Variants in CCDC175 observed in about 807,000 individuals in gnomAD.
The protein encoded by CCDC175 is coiled-coil domain containing 175, also known as coiled-coil domain-containing protein 175.
In CCDC175, 100 loss-of-function variants were observed where a neutral mutation model predicts 114.6. That is an observed-to-expected ratio of 0.87 (90% CI 0.74 to 1.03). The LOEUF (loss-of-function observed/expected upper bound fraction) is 1.03, where lower values mean the gene tolerates loss of function less well. Ranked by LOEUF, CCDC175 falls within the 50% of genes least tolerant of loss-of-function variation. The probability of loss-of-function intolerance (pLI) is 0.00; values close to 1 mark genes in which losing one functional copy is unlikely to be tolerated. For synonymous variants in CCDC175, 306 were observed against 308.7 expected (o/e 0.99, Z 0.09); for missense variants, 880 against 917.8 (o/e 0.96, Z 0.53).
chr14:59,517,707 G>A (rs956192327), intron 17 of CCDC175, among the ~76,000 whole-genome samples: 14 of 152,294 alleles, frequency 9.2e-5, no homozygotes, highest in Middle Eastern at 3.4e-3. Flanking sequence ...CATGCTCACG[G>A]GTAGGAAGAA....
intron 2 of CCDC175, among the ~76,000 whole-genome samples, chr14:59,574,331 G>A (rs897119205): frequency 2.6e-5 from 4 of 152,140 alleles, no homozygotes; most frequent in Admixed American, 2.0e-4. Context: ...CTGTGCCAAG[G>A]AAGCATTGTC....
chr14:59,526,156 T>C (rs1893721428), intron 15 of CCDC175, among the ~76,000 whole-genome samples: 1 of 152,234 alleles, frequency 6.6e-6, no homozygotes, highest in Non-Finnish European at 1.5e-5. Flanking sequence ...TTCAGTTCTC[T>C]ATTATTATAC....
chr14:59,509,355 T>C (rs1892625006), intron 19 of CCDC175, among the ~76,000 whole-genome samples: 1 of 152,200 alleles, frequency 6.6e-6, no homozygotes. Flanking sequence ...AGGCTCATCA[T>C]GATCACCAGG....
chr14:59,557,439 G>A (rs1246578844), intron 7 of CCDC175, among the ~76,000 whole-genome samples: 1 of 145,482 alleles, frequency 6.9e-6, no homozygotes, highest in East Asian at 2.1e-4. Flanking sequence ...ACACAGGAAG[G>A]GGAACCTCAC....
chr14:59,513,812 A>G (rs1452038456), intron 17 of CCDC175, among the ~76,000 whole-genome samples: 1 of 152,208 alleles, frequency 6.6e-6, no homozygotes, highest in African/African-American at 2.4e-5. Context: ...AGCTTTGAAG[A>G]GAGTAGAGGT....
At chr14:59,557,160 C>T (rs904835869) in intron 7 of CCDC175, among the ~76,000 whole-genome samples, 50 of 152,206 alleles carry the variant, frequency 3.3e-4, no homozygotes, top group Non-Finnish European at 4.9e-4. Context: ...TAAAGACACA[C>T]GCACACGTAT....
intron 19 of CCDC175, among the ~76,000 whole-genome samples, chr14:59,510,027 A>G (rs1277700574): frequency 2.0e-5 from 3 of 152,112 alleles, no homozygotes; most frequent in Admixed American, 6.6e-5. Flanking sequence ...TTCCCAGATG[A>G]TTCTGTCACT....
intron 16 of CCDC175, among the ~76,000 whole-genome samples, chr14:59,522,657 ATCT>A (rs1893489784): frequency 6.6e-6 from 1 of 152,104 alleles, no homozygotes; most frequent in African/African-American, 2.4e-5. Context: ...ACAGCCCCTA[ATCT>A]TCTCACTTAA....
At chr14:59,546,838 AAAAT>A (rs562518562) in intron 8 of CCDC175, among the ~76,000 whole-genome samples, 1 of 152,138 alleles carries the variant, frequency 6.6e-6, no homozygotes, top group African/African-American at 2.4e-5. Context: ...TCCTGTCTCA[AAAAT>A]AAATAAATAA....
chr14:59,544,151 AT>A, intron 9 of CCDC175, among the ~76,000 whole-genome samples: 1 of 151,904 alleles, frequency 6.6e-6, no homozygotes, highest in African/African-American at 2.4e-5. Context: ...CAGCGTGTGG[AT>A]TGATAAGGGT....
intron 17 of CCDC175, among the ~76,000 whole-genome samples, chr14:59,519,414 G>A (rs1594988833): frequency 6.6e-6 from 1 of 152,226 alleles, no homozygotes; most frequent in East Asian, 1.9e-4. Flanking sequence ...CCTGGGGTAG[G>A]CACAAATGTT....
chr14:59,524,122 G>A (rs1345748021), intron 16 of CCDC175, among the ~76,000 whole-genome samples: 1 of 152,162 alleles, frequency 6.6e-6, no homozygotes, highest in African/African-American at 2.4e-5. Flanking sequence ...GTGAATGACA[G>A]ACTCTAATCC....
chr14:59,527,157 C>T lies in CCDC175; in HGVS notation c.1780G>A (p.Asp594Asn). 1 of 1,494,884 alleles carries T rather than the reference C, an allele frequency of 6.7e-7. No homozygotes were observed. Among genetic ancestry groups the T allele is most frequent in the Non-Finnish European group, 8.9e-7 (1 of 1,127,030 alleles). The allele number at this position is 1,494,884 out of a possible 1,614,324, so 92.6% of individuals were successfully genotyped here. ...NIITAQRQEE[D>N]LLNNHIFLFT... ...AGAAAAATGTGATTGTTCAGTAAAT[C>T]TTCCTCCTGTCTTTGTGCTATTAAA... The change falls in exon 15 of 20, where the codon GAT becomes AAT. Residue 594 changes from aspartate (D) to asparagine (N), a missense_variant. By Grantham distance (23) the Asp-to-Asn change is conservative. Coordinates refer to ENST00000537690, the MANE Select transcript of CCDC175 (RefSeq NM_001164399.2).
chr14:59,552,034 C>T (rs1401770287), intron 7 of CCDC175, among the ~76,000 whole-genome samples: 2 of 152,156 alleles, frequency 1.3e-5, no homozygotes, highest in Non-Finnish European at 2.9e-5. Flanking sequence ...TAGGCTCCAA[C>T]TCTGGGGGCA....
chr14:59,508,582 A>AAAAG (rs1594969130), intron 19 of CCDC175, among the ~76,000 whole-genome samples: 1 of 150,952 alleles, frequency 6.6e-6, no homozygotes. Context: ...AAAAAAAAAA[A>AAAAG]AAAGAGAGAA....
At chr14:59,528,260 T>C (rs756649118) in intron 14 of CCDC175, among the ~76,000 whole-genome samples, 9 of 152,158 alleles carry the variant, frequency 5.9e-5, no homozygotes, top group Non-Finnish European at 1.2e-4. Flanking sequence ...TTTTTCTCTC[T>C]AGGAGCTTTT....
In CCDC175 at chr14:59,511,793, C is replaced by T; in HGVS notation, c.2109G>A (p.Lys703=). 6.5e-7 allele frequency: 1 copy of T among 1,534,476 alleles called. No individual in the cohort carries two copies. The highest frequency in any genetic ancestry group is 1.2e-5 in the South Asian group (1 of 83,982). Residue 703 remains lysine, a synonymous_variant, in exon 18 of 20, where the codon AAG becomes AAA. Transcript: ENST00000537690. The part of the protein sequence containing the change: ...RQLIAQEAQY[K]DLWAEFQTTV... ...TGGTCTGAAATTCAGCCCACAAATC[C>T]TTATATTGTGCTAAAATAAAGATTT...
intron 13 of CCDC175, among the ~76,000 whole-genome samples, chr14:59,533,483 T>G (rs1894191039): frequency 6.6e-6 from 1 of 152,212 alleles, no homozygotes; most frequent in Non-Finnish European, 1.5e-5. Flanking sequence ...TCACTGTGTT[T>G]TAGCATATCT....
At chr14:59,525,466 G>A (rs1422073101) in intron 15 of CCDC175, 32 bp from the exon 16 acceptor site, 7 of 1,495,876 alleles carry the variant, frequency 4.7e-6, no homozygotes, top group Admixed American at 4.7e-5. Context: ...AATTATCTCT[G>A]AGTTCAAACA....
Sources: gnomAD v4.1 joint callset for allele counts (sites outside exome capture counted in the v4.1 genomes callset) on GRCh38, gnomAD v4.1.1 for gene constraint, MANE v1.5 for transcripts, NCBI Gene and HGNC (gene_info 2026-07-23, HGNC 2026-07-21) for gene names.